The following DTD1 variants were observed in gnomAD, a reference collection of about 807,000 sequenced individuals.
DTD1 encodes D-aminoacyl-tRNA deacylase 1.
In DTD1, 13 loss-of-function variants were observed where a neutral mutation model predicts 25.6. The observed-to-expected ratio is 0.51, with a 90% confidence interval of 0.33 to 0.81. DTD1 has a LOEUF of 0.81. DTD1 is among the 30% of genes least tolerant of loss of function. DTD1 has a pLI of 0.02. For missense variants in DTD1, 193 were observed against 266.4 expected (o/e 0.72, Z 1.92); for synonymous variants, 110 against 103.6 (o/e 1.06, Z -0.37).
At chr20:18,648,699 A>G (rs916798054) in intron 4 of DTD1, among the ~76,000 whole-genome samples, 5 of 152,116 alleles carry the variant, frequency 3.3e-5, no homozygotes, top group Non-Finnish European at 7.4e-5. Flanking sequence ...AAAAATTTAG[A>G]TTATTGGCGT....
intron 4 of DTD1, among the ~76,000 whole-genome samples, chr20:18,722,475 A>G (rs2061208075): frequency 6.6e-6 from 1 of 152,270 alleles, no homozygotes; most frequent in Admixed American, 6.5e-5. Flanking sequence ...GTTCACATTT[A>G]TTAAGATACT....
At chr20:18,659,174 T>G (rs1302150660) in intron 4 of DTD1, among the ~76,000 whole-genome samples, 1 of 152,208 alleles carries the variant, frequency 6.6e-6, no homozygotes, top group Non-Finnish European at 1.5e-5. Flanking sequence ...CTCAAGAAAG[T>G]TTTAGAAAAG....
chr20:18,624,656 C>G (rs1435533232), intron 3 of DTD1, among the ~76,000 whole-genome samples: 1 of 152,142 alleles, frequency 6.6e-6, no homozygotes, highest in African/African-American at 2.4e-5. Context: ...CTTCCTTGAG[C>G]CTCAGTTAGA....
intron 5 of DTD1, among the ~76,000 whole-genome samples, chr20:18,760,046 G>A (rs138838635): frequency 0.054 from 8,169 of 152,118 alleles, 292 homozygotes; most frequent in South Asian, 0.095. Flanking sequence ...AGGCTTATGC[G>A]TTCGTCACAT....
chr20:18,652,690 A>G (rs1032390899), intron 4 of DTD1, among the ~76,000 whole-genome samples: 1 of 152,200 alleles, frequency 6.6e-6, no homozygotes, highest in Non-Finnish European at 1.5e-5. Context: ...CTTTGGTCTC[A>G]TTTTTGATGA....
At chr20:18,610,894 A>G (rs556624484) in intron 3 of DTD1, among the ~76,000 whole-genome samples, 70 of 73,940 alleles carry the variant, frequency 9.5e-4, no homozygotes, top group Non-Finnish European at 1.3e-3. Context: ...CCTGGGTGAC[A>G]GAGCGAGACC....
chr20:18,620,090 A>G (rs1262065409), intron 3 of DTD1: 1 of 151,946 alleles, frequency 6.6e-6, no homozygotes, highest in Non-Finnish European at 1.5e-5. Context: ...GTTATTGAGG[A>G]TTTTTACTAT....
chr20:18,685,569 G>T (rs1211788845), intron 4 of DTD1, among the ~76,000 whole-genome samples: 1 of 152,172 alleles, frequency 6.6e-6, no homozygotes, highest in Non-Finnish European at 1.5e-5. Context: ...TGGCTCCATG[G>T]CAGACACGTG....
intron 4 of DTD1, among the ~76,000 whole-genome samples, chr20:18,641,072 T>G (rs148278011): frequency 6.8e-4 from 103 of 152,354 alleles, no homozygotes; most frequent in African/African-American, 2.2e-3. Flanking sequence ...CTGAGTATCA[T>G]ATGAATAATC....
intron 5 of DTD1, among the ~76,000 whole-genome samples, chr20:18,744,827 A>G (rs112836481): frequency 0.12 from 18,697 of 151,934 alleles, 1,416 homozygotes; most frequent in South Asian, 0.17. Context: ...CGTGGGAATT[A>G]TGGGAGCTAC....
chr20:18,723,300 C>T (rs2061211939), intron 4 of DTD1, among the ~76,000 whole-genome samples: 1 of 152,144 alleles, frequency 6.6e-6, no homozygotes, highest in Non-Finnish European at 1.5e-5. Context: ...TCACCTCTAG[C>T]CTAGAGCCCC....
At chr20:18,708,226 TA>T (rs2061136763) in intron 4 of DTD1, among the ~76,000 whole-genome samples, 3 of 6,548 alleles carry the variant, frequency 4.6e-4, no homozygotes, top group East Asian at 8.9e-3. Context: ...ATAATATATA[TA>T]TATTTTATAT....
intron 5 of DTD1, among the ~76,000 whole-genome samples, chr20:18,746,290 A>T (rs2061299828): frequency 6.6e-6 from 1 of 152,220 alleles, no homozygotes; most frequent in South Asian, 2.1e-4. Flanking sequence ...ACACCAAATT[A>T]TGATAGAAGA....
intron 4 of DTD1, among the ~76,000 whole-genome samples, chr20:18,686,813 A>G (rs1254265370): frequency 1.3e-5 from 2 of 152,092 alleles, no homozygotes; most frequent in Non-Finnish European, 2.9e-5. Flanking sequence ...GTAGCAGACC[A>G]TGGCTATGGC....
chr20:18,739,145 C>T (rs1478616956), intron 4 of DTD1, among the ~76,000 whole-genome samples: 1 of 152,198 alleles, frequency 6.6e-6, no homozygotes, highest in Non-Finnish European at 1.5e-5. Flanking sequence ...TTGTCTTACT[C>T]TTGGCCACTT....
At chr20:18,751,852 T>G (rs1426395467) in intron 5 of DTD1, among the ~76,000 whole-genome samples, 11 of 113,044 alleles carry the variant, frequency 9.7e-5, no homozygotes, top group African/African-American at 3.3e-4. Flanking sequence ...TTTTTTTTTT[T>G]TGTTGTTGTT....
Position 18,631,577 on chromosome 20 carries a change from G to A in DTD1, c.477+3344G>A. ...GCCACAGTGTCCTTGGGTCTGTAAAGGTTCTCACCGAGGGCCCCAGTGACC... is the reference window on the plus strand; with the variant it reads ...GCCACAGTGTCCTTGGGTCTGTAAAAGTTCTCACCGAGGGCCCCAGTGACC... On this transcript the variant is annotated intron_variant, in intron 4 of 5. Transcript: ENST00000377452. 3 of 985,418 alleles carry A rather than the reference G, an allele frequency of 3.0e-6. No homozygotes were observed. The African/African-American group carries it at 5.2e-5, about 17-fold the overall frequency. The allele number at this position is 985,418 out of a possible 1,614,324, so 61.0% of individuals were successfully genotyped here. A position where few individuals can be genotyped will look rare whatever the true frequency, so the allele number is the denominator to read the frequency against.
chr20:18,728,391 A>G (rs894319476), intron 4 of DTD1, among the ~76,000 whole-genome samples: 2 of 152,246 alleles, frequency 1.3e-5, no homozygotes, highest in African/African-American at 4.8e-5. Context: ...CCTCAGTTTA[A>G]GATAAGCCCT....
chr20:18,690,989 G>T (rs1319840387), intron 4 of DTD1, among the ~76,000 whole-genome samples: 1 of 152,198 alleles, frequency 6.6e-6, no homozygotes. Flanking sequence ...GAAGTCATAT[G>T]CATGGCCAAC....
Sources: allele counts gnomAD v4.1 joint callset (sites outside exome capture counted in the v4.1 genomes callset), GRCh38; gene constraint gnomAD v4.1.1; transcripts MANE v1.5; gene names NCBI Gene and HGNC (gene_info 2026-07-23, HGNC 2026-07-21).